Variants in PCDHA9 observed in about 807,000 individuals in gnomAD.
PCDHA9 encodes the protein protocadherin alpha 9.
In PCDHA9, 62 loss-of-function variants were observed where a neutral mutation model predicts 62.0. The observed-to-expected ratio is 1.00, with a 90% CI of 0.81 to 1.23. PCDHA9 has a LOEUF of 1.23. Among genes scored for constraint, PCDHA9 ranks in the 50% most tolerant of loss-of-function variants. PCDHA9 has a pLI of 0.00. For missense variants in PCDHA9, 1,205 were observed against 1,249.8 expected (o/e 0.96, Z 0.54); for synonymous variants, 557 against 567.6 (o/e 0.98, Z 0.27).
Position 140,871,201 on chromosome 5 carries a change from A to G in PCDHA9, c.2394+20312A>G, listed in dbSNP as rs561860727. ...GCTGGTGGATGTCAACGTGTACCTGATCATCGCCATCTGCGTGGTGTCCAG... is the reference window on the plus strand; with the variant it reads ...GCTGGTGGATGTCAACGTGTACCTGGTCATCGCCATCTGCGTGGTGTCCAG... On this transcript the variant is annotated intron_variant, in intron 1 of 3. Coordinates refer to ENST00000532602, the MANE Select transcript of PCDHA9 (RefSeq NM_031857.2). The G allele has an allele frequency of 3.3e-5, 54 of 1,613,672 alleles. 1 individual carries two copies. The Admixed American group carries it at 7.2e-4, about 21-fold the overall frequency.
chr5:140,875,381 A>G, intron 1 of PCDHA9: 7 of 1,461,296 alleles, frequency 4.8e-6, no homozygotes, highest in Non-Finnish European at 6.3e-6. Flanking sequence ...CTAAATATGT[A>G]CTTACAGAAA....
rs2150481860 is a variant in PCDHA9, at chr5:140,850,383, G to A, written c.1888G>A (p.Glu630Lys). The A allele has an allele frequency of 2.5e-6, 4 of 1,597,842 alleles. No homozygotes were observed. The highest frequency in any genetic ancestry group is 1.1e-5 in the South Asian group (1 of 90,536). ...IPFRVGLYTGEISTTRALDET... is the reference protein window; with the variant it reads ...IPFRVGLYTGKISTTRALDET... ...GTTCCGCGTGGGGCTGTACACGGGC[G>A]AGATCAGCACAACGCGTGCCCTGGA... The change falls in exon 1 of 4, where the codon GAG (glutamate) becomes AAG (lysine). Residue 630 changes from glutamate to lysine, a missense_variant. By Grantham distance (56) the Glu-to-Lys change is moderately conservative. Coordinates refer to ENST00000532602, the MANE Select transcript of PCDHA9 (RefSeq NM_031857.2).
At chr5:140,856,204 G>A (rs782220766) in intron 1 of PCDHA9, 2 of 1,598,000 alleles carry the variant, frequency 1.3e-6, no homozygotes, top group African/African-American at 2.7e-5. Flanking sequence ...AGGACCTGGG[G>A]CTGGAGCTGG....
intron 1 of PCDHA9, among the ~76,000 whole-genome samples, chr5:140,889,031 A>C (rs1234867332): frequency 6.6e-6 from 1 of 152,012 alleles, no homozygotes; most frequent in African/African-American, 2.4e-5. Flanking sequence ...GGATAACCGT[A>C]ATTTGATTAT....
At chr5:140,877,376 G>C in intron 1 of PCDHA9, 1 of 1,614,014 alleles carries the variant, frequency 6.2e-7, no homozygotes, top group South Asian at 1.1e-5. Flanking sequence ...AGCACGACAC[G>C]CATCCTGGAT....
chr5:140,966,788 C>A, intron 1 of PCDHA9: 1 of 1,527,436 alleles, frequency 6.5e-7, no homozygotes, highest in African/African-American at 1.4e-5. Flanking sequence ...GGGCACCAGA[C>A]CTGCGGCGAC....
intron 1 of PCDHA9, among the ~76,000 whole-genome samples, chr5:140,961,987 C>T (rs1411300268): frequency 1.3e-5 from 2 of 151,942 alleles, no homozygotes; most frequent in African/African-American, 4.8e-5. Context: ...GGGTTCACGC[C>T]ATTGTCCTGC....
intron 1 of PCDHA9, chr5:140,884,353 T>C: frequency 1.2e-6 from 2 of 1,613,886 alleles, no homozygotes; most frequent in Non-Finnish European, 1.7e-6. Context: ...CGCTGGTGGA[T>C]GTCAATGTTT....
chr5:140,886,917 T>C (rs893093876), intron 1 of PCDHA9, among the ~76,000 whole-genome samples: 12 of 152,044 alleles, frequency 7.9e-5, no homozygotes, highest in Non-Finnish European at 1.8e-4. Flanking sequence ...TTATTGAGTG[T>C]TCTCTATGTG....
intron 2 of PCDHA9, among the ~76,000 whole-genome samples, chr5:140,981,838 C>T (rs916108739): frequency 3.9e-5 from 6 of 152,086 alleles, no homozygotes; most frequent in Admixed American, 6.6e-5. Context: ...AAAGGTCTCC[C>T]AGTTTGTATC....
At chr5:140,876,928 A>C in intron 1 of PCDHA9, 1 of 1,613,812 alleles carries the variant, frequency 6.2e-7, no homozygotes, top group Non-Finnish European at 8.5e-7. Flanking sequence ...GGACGCGCAG[A>C]AGAACGCGCT....
Position 140,859,942 on chromosome 5 carries a change from C to T in PCDHA9, c.2394+9053C>T, listed in dbSNP as rs188063424. ...AGTAATATAAAAAACTTAGTAAAAACTCATATCAATTGTAAAAGTCTCAGG... is the reference window on the plus strand; with the variant it reads ...AGTAATATAAAAAACTTAGTAAAAATTCATATCAATTGTAAAAGTCTCAGG... On this transcript the variant is annotated intron_variant, in intron 1 of 3. Coordinates refer to ENST00000532602, the MANE Select transcript of PCDHA9 (RefSeq NM_031857.2). 5.9e-5 allele frequency: 9 copies of T among 151,828 alleles called. No individual in the cohort carries two copies. The East Asian group carries it at 1.5e-3, about 26-fold the overall frequency. 9.4% of individuals were successfully genotyped at this position (151,828 alleles called of 1,614,324 possible). A position where few individuals can be genotyped will look rare whatever the true frequency, so the allele number is the denominator to read the frequency against.
intron 1 of PCDHA9, chr5:140,883,364 A>T (rs782725621): frequency 6.2e-7 from 1 of 1,614,168 alleles, no homozygotes; most frequent in African/African-American, 1.3e-5. Context: ...CACTCAGCCT[A>T]GCGCCATTAT....
At chr5:140,857,196 A>G in intron 1 of PCDHA9, 1 of 1,598,586 alleles carries the variant, frequency 6.3e-7, no homozygotes, top group Non-Finnish European at 8.6e-7. Flanking sequence ...GCCAACGGAC[A>G]GGTCACCTGC....
At chr5:140,960,832 G>T (rs141442734) in intron 1 of PCDHA9, among the ~76,000 whole-genome samples, 1 of 152,230 alleles carries the variant, frequency 6.6e-6, no homozygotes, top group African/African-American at 2.4e-5. Flanking sequence ...TGGAAACTTG[G>T]AACAGGTTTA....
chr5:140,919,120 C>G (rs1554198933), intron 1 of PCDHA9, among the ~76,000 whole-genome samples: 2 of 152,008 alleles, frequency 1.3e-5, no homozygotes, highest in African/African-American at 4.8e-5. Context: ...CCAGTTTTTG[C>G]TTCATGTGTT....
chr5:141,001,849 T>C (rs889682000), intron 3 of PCDHA9, among the ~76,000 whole-genome samples: 5 of 151,704 alleles, frequency 3.3e-5, no homozygotes, highest in African/African-American at 7.3e-5. Context: ...GAGAGAGAGG[T>C]TGATTAAATT....
chr5:140,928,068 CA>C, intron 1 of PCDHA9: 1 of 1,614,214 alleles, frequency 6.2e-7, no homozygotes, highest in South Asian at 1.1e-5. Context: ...CTTCCTTTGA[CA>C]ACTACTACAG....
chr5:140,898,462 C>T (rs1398136688), intron 1 of PCDHA9, among the ~76,000 whole-genome samples: 7 of 150,224 alleles, frequency 4.7e-5, no homozygotes, highest in African/African-American at 1.5e-4. Flanking sequence ...TTCCCCATTG[C>T]TTGTTTTTCT....
Sources: gnomAD v4.1 joint callset for allele counts (sites outside exome capture counted in the v4.1 genomes callset) on GRCh38, gnomAD v4.1.1 for gene constraint, MANE v1.5 for transcripts, NCBI Gene and HGNC (gene_info 2026-07-23, HGNC 2026-07-21) for gene names.